ANKRD27: variants seen among roughly 807,000 people sequenced by gnomAD.
The protein encoded by ANKRD27 is ankyrin repeat domain 27, also known as ankyrin repeat domain-containing protein 27.
ANKRD27 carries 112 observed loss-of-function variants against 129.7 expected under a neutral mutation model. That is an observed-to-expected ratio of 0.86 (90% CI 0.74 to 1.01). The LOEUF (loss-of-function observed/expected upper bound fraction) is 1.01, where lower values mean the gene tolerates loss of function less well. Ranked by LOEUF, ANKRD27 falls within the 50% of genes least tolerant of loss-of-function variation. The pLI, the probability that ANKRD27 is intolerant of heterozygous loss-of-function variation, is 0.00. For missense variants in ANKRD27, 1,258 were observed against 1,300.5 expected, an observed-to-expected ratio of 0.97 and a Z score of 0.50; for synonymous variants, 516 against 511.2, an observed-to-expected ratio of 1.01 and a Z score of -0.13.
At chr19:32,650,104 TC>T in intron 2 of ANKRD27, among the ~76,000 whole-genome samples, 1 of 151,880 alleles carries the variant, frequency 6.6e-6, no homozygotes, top group East Asian at 1.9e-4. Context: ...AATCGCTGGG[TC>T]CCCCCCAGGC....
rs1042727250 is a variant in ANKRD27 at position 32,621,843 on chromosome 19, G to C, written c.1827+579C>G. ...GCCTCTCTAACGATGCCATTCACCA[G>C]CTCTGCTGCCGGGAGACGAGAGTGC... On this transcript the variant is annotated intron_variant, in intron 18 of 28. Transcript: ENST00000306065. Among the ~76,000 whole-genome samples, 6 of 152,092 alleles carry C rather than the reference G, an allele frequency of 3.9e-5. 1 individual carries two copies. In the South Asian group the frequency reaches 8.3e-4, roughly 21 times the overall value.
At chr19:32,645,292 A>G (rs1220070008) in intron 4 of ANKRD27, among the ~76,000 whole-genome samples, 2 of 151,918 alleles carry the variant, frequency 1.3e-5, no homozygotes, top group Admixed American at 1.3e-4. Flanking sequence ...GGCGCCTGTA[A>G]TCCCCGCTAC....
At chr19:32,621,599 G>C (rs1892452914) in intron 18 of ANKRD27, among the ~76,000 whole-genome samples, 1 of 152,172 alleles carries the variant, frequency 6.6e-6, no homozygotes, top group Non-Finnish European at 1.5e-5. Context: ...CTGCACTCCA[G>C]CCTGGGCAAC....
At chr19:32,659,138 T>TA in intron 1 of ANKRD27, 93 bp from the exon 2 acceptor site, 1 of 200,552 alleles carries the variant, frequency 5.0e-6, no homozygotes, top group Non-Finnish European at 9.4e-6. Context: ...ATTTTCTTTT[T>TA]CTTTTTTTTT....
In ANKRD27 at chr19:32,625,119, G is replaced by A. The variant is rs531835682; in HGVS notation, c.1629+755C>T. 5.3e-5 allele frequency among the ~76,000 whole-genome samples: 8 copies of A among 151,888 alleles called. No individual in the cohort carries two copies. In the South Asian group the frequency reaches 1.7e-3, roughly 32 times the overall value. On this transcript the variant is annotated intron_variant, in intron 17 of 28. Coordinates refer to ENST00000306065, the MANE Select transcript of ANKRD27 (RefSeq NM_032139.3). ...AAAAATACAAAAATTAGCTGGGTGT[G>A]GTGGCACACACCTGTAATCCCAGCT...
chr19:32,640,880 G>A (rs1257612953), intron 10 of ANKRD27, among the ~76,000 whole-genome samples: 2 of 152,118 alleles, frequency 1.3e-5, no homozygotes, highest in African/African-American at 4.8e-5. Context: ...GGGTGACAGA[G>A]TGAGACCCTG....
At position 32,643,107 on chromosome 19, in the gene ANKRD27, T is replaced by G; in HGVS notation, c.782+16A>C. On this transcript the variant is annotated intron_variant, in intron 9 of 28. Transcript: ENST00000306065. ...TGCCTCTGAGGACACCAAGCCGCTG[T>G]GGCGCAAACCCTTACCTGAACTCCG... 6.2e-7 allele frequency: 1 copy of G among 1,613,352 alleles called. No homozygotes were observed. Among genetic ancestry groups the G allele is most frequent in the Non-Finnish European group, 8.5e-7 (1 of 1,179,766 alleles).
At chr19:32,637,767 G>A (rs1156530957) in intron 12 of ANKRD27, 2 of 152,424 alleles carry the variant, frequency 1.3e-5, no homozygotes, top group African/African-American at 4.8e-5. Flanking sequence ...AGGCTCGTAA[G>A]TGCCTGCTCC....
rs1340321039 is a variant in ANKRD27 at position 32,642,023 on chromosome 19, C to A, written c.904+1G>T. ...GGCCAGTCCCCTTTCCAAGCACAAACCTCTCTGGCTTGGAGACTGTGTAAT... is the reference window on the plus strand; with the variant it reads ...GGCCAGTCCCCTTTCCAAGCACAAAACTCTCTGGCTTGGAGACTGTGTAAT... On this transcript the variant is annotated splice_donor_variant, in intron 10 of 28. Coordinates refer to ENST00000306065, the MANE Select transcript of ANKRD27 (RefSeq NM_032139.3). LOFTEE classifies it high-confidence loss of function. 1.3e-6 allele frequency: 2 copies of A among 1,579,412 alleles called. No homozygotes were observed. The highest frequency in any genetic ancestry group is 1.1e-5 in the South Asian group (1 of 87,522).
In ANKRD27 at chr19:32,619,600, C is replaced by T. The variant is rs368979654; in HGVS notation, c.1828-47G>A. 165 of 1,604,606 alleles carry T rather than the reference C, an allele frequency of 1.0e-4. No individual in the cohort carries two copies. The South Asian group carries it at 1.4e-3, about 13-fold the overall frequency. ...CAACAGTACCCCGTGAGATGGGGGT[C>T]GTCTCAGCACAGTGCCATCACCCAC... On this transcript the variant is annotated intron_variant, in intron 18 of 28. Transcript: ENST00000306065.
rs868287437 is a variant in ANKRD27 at position 32,619,555 on chromosome 19, T to G, written c.1828-2A>C. ...ATAGGCTTCCATTACAGACAGAATC[T>G]AGGGGGACAAGGGGGATGCCAACAG... On this transcript the variant is annotated splice_acceptor_variant, in intron 18 of 28. Coordinates refer to ENST00000306065, the MANE Select transcript of ANKRD27 (RefSeq NM_032139.3). LOFTEE classifies it high-confidence loss of function. 2 of 1,613,808 alleles carry G rather than the reference T, an allele frequency of 1.2e-6. No homozygotes were observed. The highest frequency in any genetic ancestry group is 2.7e-5 in the African/African-American group (2 of 74,856).
chr19:32,649,543 GCCC>G, intron 3 of ANKRD27, 136 bp downstream of exon 3: 1 of 662,930 alleles, frequency 1.5e-6, no homozygotes, highest in Non-Finnish European at 2.7e-6. Flanking sequence ...GGTCCCTCCA[GCCC>G]CCCACGGGGC....
rs534209996 is a variant in ANKRD27 at position 32,635,627 on chromosome 19, G to A, written c.1116+3729C>T. 8.6e-5 allele frequency among the ~76,000 whole-genome samples: 13 copies of A among 152,046 alleles called. No homozygotes were observed. The South Asian group carries it at 2.5e-3, about 29-fold the overall frequency. ...GCCCACATACATACTCTAGAATCTT[G>A]CTGATTTCCCCCTAAATATGGAAAC... On this transcript the variant is annotated intron_variant, in intron 12 of 28. Coordinates refer to ENST00000306065, the MANE Select transcript of ANKRD27 (RefSeq NM_032139.3).
At chr19:32,639,918 A>G (rs1967163083) in intron 11 of ANKRD27, among the ~76,000 whole-genome samples, 1 of 152,106 alleles carries the variant, frequency 6.6e-6, no homozygotes, top group African/African-American at 2.4e-5. Flanking sequence ...CCAATTGAAG[A>G]TGGGCTTTTC....
chr19:32,615,777 G>C lies in ANKRD27; in HGVS notation c.2056C>G (p.Arg686Gly), dbSNP rs190059332. 1.2e-6 allele frequency: 2 copies of C among 1,612,250 alleles called. No individual in the cohort carries two copies. Among genetic ancestry groups the C allele is most frequent in the African/African-American group, 1.3e-5 (1 of 74,812 alleles). Residue 686 changes from arginine to glycine, a missense_variant, in exon 22 of 29, where the codon CGT (arginine) becomes GGT (glycine). Coordinates refer to ENST00000306065, the MANE Select transcript of ANKRD27 (RefSeq NM_032139.3). The part of the protein sequence containing the change: ...AVADGDLEMV[R>G]YLLEWTEEDL... ...TCCTCTGTCCATTCCAACAGGTAAC[G>C]CACCTGGTGATGGAGAGTAACGGAA...
chr19:32,609,681 A>G (rs12461464), intron 22 of ANKRD27, among the ~76,000 whole-genome samples: 3 of 147,060 alleles, frequency 2.0e-5, no homozygotes, highest in Non-Finnish European at 4.5e-5. Context: ...AGTGGGGGGG[A>G]AGGCAAAATC....
rs373446012 is a variant in ANKRD27, at chr19:32,622,500, T to C, written c.1749A>G (p.Thr583=). 1 of 1,613,982 alleles carries C rather than the reference T, an allele frequency of 6.2e-7. No homozygotes were observed. Among genetic ancestry groups the C allele is most frequent in the Non-Finnish European group, 8.5e-7 (1 of 1,180,004 alleles). The change falls in exon 18 of 29, where the codon ACA becomes ACG. Residue 583 remains threonine (T), a synonymous_variant. Coordinates refer to ENST00000306065, the MANE Select transcript of ANKRD27 (RefSeq NM_032139.3). ...ARWGYQGVIE[T]LLQNGASTEI... ...CGGTGGACGCTCCGTTCTGCAGCAA[T>C]GTCTCTATGACGCCTTGGTAGCCCC... is the stretch of plus-strand genomic sequence containing the variant.
Position 32,615,721 on chromosome 19 carries a change from A to G in ANKRD27, c.2112T>C (p.Ser704=). ...EDLEDAEDTV[S]AADPEFCHPL... ...GGTGACAGAATTCGGGGTCCGCTGC[A>G]CTGACAGTGTCCTCCGCATCCTCCA... The change falls in exon 22 of 29, where the codon AGT becomes AGC. Residue 704 remains serine, a synonymous_variant. Coordinates refer to ENST00000306065, the MANE Select transcript of ANKRD27 (RefSeq NM_032139.3). The G allele has an allele frequency of 6.2e-7, 1 of 1,614,216 alleles. No homozygotes were observed. The highest frequency in any genetic ancestry group is 8.5e-7 in the Non-Finnish European group (1 of 1,180,040).
chr19:32,636,881 G>A (rs1263506732), intron 12 of ANKRD27, among the ~76,000 whole-genome samples: 1 of 151,932 alleles, frequency 6.6e-6, no homozygotes, highest in Non-Finnish European at 1.5e-5. Flanking sequence ...CCAAGTAGCT[G>A]GGATTACAGG....
Sources: allele counts gnomAD v4.1 joint callset (sites outside exome capture counted in the v4.1 genomes callset), GRCh38; gene constraint gnomAD v4.1.1; transcripts MANE v1.5; gene names NCBI Gene and HGNC (gene_info 2026-07-23, HGNC 2026-07-21).